The following ERICH6B variants were observed in gnomAD, a reference collection of about 807,000 sequenced individuals.
ERICH6B encodes the protein glutamate-rich protein 6B.
Under a neutral mutation model 80.0 loss-of-function variants are expected in ERICH6B, and 69 were observed. That is an observed-to-expected ratio of 0.86 (90% CI 0.71 to 1.05). The LOEUF (loss-of-function observed/expected upper bound fraction) is 1.05, where lower values mean the gene tolerates loss of function less well. Ranked by LOEUF, ERICH6B falls within the 50% of genes least tolerant of loss-of-function variation. The pLI, the probability that ERICH6B is intolerant of heterozygous loss-of-function variation, is 0.00. For missense variants in ERICH6B, 754 were observed against 796.1 expected, an observed-to-expected ratio of 0.95 and a Z score of 0.64; for synonymous variants, 283 against 291.9, an observed-to-expected ratio of 0.97 and a Z score of 0.31.
intron 8 of ERICH6B, among the ~76,000 whole-genome samples, chr13:45,571,212 T>C (rs1359727893): frequency 6.6e-6 from 1 of 152,166 alleles, no homozygotes; most frequent in East Asian, 1.9e-4. Context: ...TGACATACTT[T>C]GTCACCTGGA....
intron 11 of ERICH6B, chr13:45,553,171 A>G (rs1480627271): frequency 3.1e-5 from 8 of 257,776 alleles, no homozygotes; most frequent in Admixed American, 5.1e-5. Flanking sequence ...ACCGTTTTTG[A>G]CACATGAGTT....
At chr13:45,549,719 G>T (rs775864440) in intron 13 of ERICH6B, among the ~76,000 whole-genome samples, 174 bp downstream of exon 13, 1 of 152,172 alleles carries the variant, frequency 6.6e-6, no homozygotes, top group Admixed American at 6.5e-5. Flanking sequence ...GAAGAACATC[G>T]TGCCTCCTCT....
chr13:45,604,710 A>T (rs1949847343), intron 2 of ERICH6B, among the ~76,000 whole-genome samples: 1 of 152,156 alleles, frequency 6.6e-6, no homozygotes. Flanking sequence ...ACAAACAAAC[A>T]AACAAAACAC....
Position 45,587,082 on chromosome 13 carries a change from C to T in ERICH6B, c.837G>A (p.Trp279Ter), listed in dbSNP as rs1875938328. ...YRRSQASQTD[W>*]CYDRTAVKSL... ...CCTCACCGGCAGTTCTGTCGTAGCA[C>T]CAGTCTGTCTGACTGGCCTGGCTCC... The change falls in exon 5 of 15, where the codon TGG becomes TGA. Residue 279 changes from tryptophan to a stop codon, truncating the protein, a stop_gained. Transcript: ENST00000298738. LOFTEE classifies it high-confidence loss of function. 1.9e-6 allele frequency: 3 copies of T among 1,551,704 alleles called. No individual in the cohort carries two copies. Among genetic ancestry groups the T allele is most frequent in the Non-Finnish European group, 2.6e-6 (3 of 1,146,964 alleles).
chr13:45,596,831 T>C lies in ERICH6B; in HGVS notation c.175A>G (p.Lys59Glu), dbSNP rs2138022995. 1.3e-6 allele frequency: 2 copies of C among 1,551,814 alleles called. No individual in the cohort carries two copies. Among genetic ancestry groups the C allele is most frequent in the Non-Finnish European group, 1.7e-6 (2 of 1,147,006 alleles). The change falls in exon 3 of 15, where the codon AAA becomes GAA. Residue 59 changes from lysine (K) to glutamate (E), a missense_variant. By Grantham distance (56) the Lys-to-Glu change is moderately conservative. Transcript: ENST00000298738. ...TCCTCTTCCTCCTCCAGATACTCTT[T>C]GTCCTCCAGAGACTCTCCCTCTGGA... is the stretch of plus-strand genomic sequence containing the variant. Reference protein sequence around the residue: ...FSPEGESLEDKEYLEEEEDLE... With the variant: ...FSPEGESLEDEEYLEEEEDLE...
At chr13:45,575,324 A>G (rs1406090005) in intron 7 of ERICH6B, among the ~76,000 whole-genome samples, 2 of 152,162 alleles carry the variant, frequency 1.3e-5, no homozygotes, top group Non-Finnish European at 2.9e-5. Flanking sequence ...CCCTGAGGTG[A>G]GTGTGGGAGG....
At chr13:45,587,715 G>A (rs139013448) in intron 4 of ERICH6B, among the ~76,000 whole-genome samples, 11 of 152,316 alleles carry the variant, frequency 7.2e-5, no homozygotes, top group African/African-American at 2.6e-4. Context: ...GGGCCTGAGG[G>A]CGGGGCACTG....
intron 1 of ERICH6B, among the ~76,000 whole-genome samples, chr13:45,610,594 T>A (rs1949894034): frequency 6.6e-6 from 1 of 152,228 alleles, no homozygotes; most frequent in Non-Finnish European, 1.5e-5. Context: ...TCACAGCGTG[T>A]GCTCACACAA....
intron 7 of ERICH6B, 67 bp downstream of exon 7, chr13:45,579,866 C>T: frequency 6.7e-7 from 1 of 1,491,096 alleles, no homozygotes. Context: ...CTGCTAGGGG[C>T]ACCTTCCCCA....
chr13:45,568,230 G>T, intron 9 of ERICH6B, 85 bp downstream of exon 9: 3 of 1,382,200 alleles, frequency 2.2e-6, no homozygotes, highest in African/African-American at 1.5e-5. Context: ...CTTTTTTGTT[G>T]ATGGCTCAGT....
Position 45,544,963 on chromosome 13 carries a change from C to T in ERICH6B, c.1669G>A (p.Gly557Ser), listed in dbSNP as rs371266878. ...DIWLNLSSNL[G>S]YYFPKDKRQK... Reference sequence around the variant, plus strand: ...CGTTTGTCTTTGGGGAAGTAGTAGCCCAGGTTGGAGCTCAGGTTCAACCTG... The same window carrying T: ...CGTTTGTCTTTGGGGAAGTAGTAGCTCAGGTTGGAGCTCAGGTTCAACCTG... The change falls in exon 14 of 15, where the codon GGC becomes AGC. Residue 557 changes from glycine to serine, a missense_variant. Physicochemically the swap from Gly to Ser is moderately conservative, Grantham distance 56 (BLOSUM62 0). Coordinates refer to ENST00000298738, the MANE Select transcript of ERICH6B (RefSeq NM_182542.3). 5.0e-5 allele frequency: 77 copies of T among 1,550,884 alleles called. No individual in the cohort carries two copies. The African/African-American group carries it at 8.9e-4, about 18-fold the overall frequency.
At chr13:45,546,805 A>G (rs1396086881) in intron 13 of ERICH6B, among the ~76,000 whole-genome samples, 1 of 152,188 alleles carries the variant, frequency 6.6e-6, no homozygotes, top group Non-Finnish European at 1.5e-5. Context: ...CGGAGTGAGA[A>G]GGTGGCTCAG....
At chr13:45,580,773 T>G in intron 5 of ERICH6B, 108 bp from the exon 6 acceptor site, 1 of 1,104,064 alleles carries the variant, frequency 9.1e-7, no homozygotes. Context: ...CACCCAAGGC[T>G]GGTCAACAGT....
intron 1 of ERICH6B, among the ~76,000 whole-genome samples, chr13:45,612,314 G>A (rs1949904324): frequency 1.3e-5 from 2 of 152,198 alleles, no homozygotes; most frequent in Non-Finnish European, 2.9e-5. Flanking sequence ...GGGGCCACAA[G>A]GTTGCATAAG....
At chr13:45,570,426 T>C (rs1875104972) in intron 8 of ERICH6B, among the ~76,000 whole-genome samples, 1 of 152,178 alleles carries the variant, frequency 6.6e-6, no homozygotes, top group African/African-American at 2.4e-5. Context: ...AGTGAGACCC[T>C]TCCTTTACAA....
intron 2 of ERICH6B, among the ~76,000 whole-genome samples, chr13:45,605,436 G>A (rs1392275467): frequency 6.6e-6 from 1 of 152,090 alleles, no homozygotes; most frequent in Admixed American, 6.5e-5. Context: ...AAGTGCTTTC[G>A]TGGGCCCTGT....
At chr13:45,575,721 C>T (rs976260716) in intron 7 of ERICH6B, among the ~76,000 whole-genome samples, 2 of 152,246 alleles carry the variant, frequency 1.3e-5, no homozygotes, top group East Asian at 3.9e-4. Context: ...ACAGTGAATG[C>T]CCTTGTTCCT....
At chr13:45,603,653 C>T (rs1949839711) in intron 2 of ERICH6B, among the ~76,000 whole-genome samples, 1 of 152,142 alleles carries the variant, frequency 6.6e-6, no homozygotes, top group Admixed American at 6.5e-5. Context: ...CAGTCCTGCT[C>T]CCTCTGTCAC....
rs1325854880 is a variant in ERICH6B, at chr13:45,596,116, T to C, written c.637+253A>G. ...TTGGGGCAAGGCTATTGTATTATAG[T>C]TGTGAGCAGAACTTGGTCAGTAAAT... On this transcript the variant is annotated intron_variant, in intron 3 of 14. Transcript: ENST00000298738. Among the ~76,000 whole-genome samples the C allele has an allele frequency of 2.6e-5, 4 of 152,332 alleles. No homozygotes were observed. In the South Asian group the frequency reaches 8.3e-4, roughly 32 times the overall value.
Sources: allele counts gnomAD v4.1 joint callset (sites outside exome capture counted in the v4.1 genomes callset), GRCh38; gene constraint gnomAD v4.1.1; transcripts MANE v1.5; gene names NCBI Gene and HGNC (gene_info 2026-07-23, HGNC 2026-07-21).